Variants in CCNH observed in about 807,000 individuals in gnomAD.
CCNH encodes the protein cyclin H, also known as cyclin-H.
In CCNH, 31 loss-of-function variants were observed where a neutral mutation model predicts 41.9. The ratio of observed to expected loss-of-function variants is 0.74; its 90% confidence interval spans 0.56 to 1.00. The LOEUF (loss-of-function observed/expected upper bound fraction) is 1.00. Ranked by LOEUF, CCNH falls within the 50% of genes least tolerant of loss-of-function variation. The probability of loss-of-function intolerance (pLI) is 0.00; values close to 1 mark genes in which losing one functional copy is unlikely to be tolerated. For synonymous variants in CCNH, 138 were observed against 136.1 expected (o/e 1.01, Z -0.10); for missense variants, 362 against 388.4 (o/e 0.93, Z 0.57).
At chr5:87,375,047 T>TCTAA (rs1761228457), downstream of CCNH, 2 of 1,221,980 alleles carry the variant, frequency 1.6e-6, no homozygotes, top group African/African-American at 3.1e-5. Context: ...ATAGTTTCTT[T>TCTAA]CTGTACTTCT....
exon 1 of CCNH, chr5:87,376,312 C>CTGA: frequency 6.6e-7 from 1 of 1,513,064 alleles, no homozygotes; most frequent in Non-Finnish European, 9.1e-7. Context: ...ATAGGGAAGA[C>CTGA]TGAACACCAG....
At chr5:87,334,190 C>G (rs1757796027) in intron 9 of CCNH, among the ~76,000 whole-genome samples, 1 of 152,038 alleles carries the variant, frequency 6.6e-6, no homozygotes, top group African/African-American at 2.4e-5. Flanking sequence ...CCCAAGAAAG[C>G]CAGTGGTATA....
intron 9 of CCNH, among the ~76,000 whole-genome samples, chr5:87,331,706 T>TA (rs1408130452): frequency 1.3e-5 from 2 of 152,216 alleles, no homozygotes; most frequent in Non-Finnish European, 2.9e-5. Context: ...TGTTGGGCAT[T>TA]ACTGTGCTGA....
At chr5:87,383,372 A>G (rs926284970) in intron 9 of CCNH, among the ~76,000 whole-genome samples, 1 of 152,180 alleles carries the variant, frequency 6.6e-6, no homozygotes, top group Non-Finnish European at 1.5e-5. Context: ...TGAGGATACT[A>G]CTTTCTCTAA....
intron 6 of CCNH, among the ~76,000 whole-genome samples, chr5:87,401,314 C>T (rs532978596): frequency 6.6e-5 from 10 of 152,218 alleles, no homozygotes; most frequent in Non-Finnish European, 1.2e-4. Flanking sequence ...TCTCCTTCTA[C>T]CTTTCTCTTA....
At chr5:87,333,244 C>CT (rs564571974) in intron 9 of CCNH, 41,092 of 889,780 alleles carry the variant, frequency 0.046, no homozygotes, top group East Asian at 0.061. Flanking sequence ...CTTTTTAAAT[C>CT]TTTTTTTTTT....
intron 9 of CCNH, among the ~76,000 whole-genome samples, chr5:87,364,654 G>C (rs943154472): frequency 6.6e-6 from 1 of 151,984 alleles, no homozygotes; most frequent in Non-Finnish European, 1.5e-5. Context: ...GTTGATTCAG[G>C]CCTCTGTCTT....
chr5:87,375,815 G>A (rs1361289226), downstream of CCNH, among the ~76,000 whole-genome samples: 2 of 152,136 alleles, frequency 1.3e-5, no homozygotes, highest in Admixed American at 1.3e-4. Context: ...ACAGATCAAA[G>A]CCTGAATATT....
chr5:87,378,043 T>G (rs2112494666), upstream of CCNH, among the ~76,000 whole-genome samples: 1 of 152,326 alleles, frequency 6.6e-6, no homozygotes, highest in South Asian at 2.1e-4. Context: ...CCCTAAAATT[T>G]CAAAGCATGG....
intron 9 of CCNH, among the ~76,000 whole-genome samples, chr5:87,367,062 A>AT (rs1016493444): frequency 1.3e-5 from 2 of 151,616 alleles, no homozygotes; most frequent in Admixed American, 6.6e-5. Context: ...AACAACAAAA[A>AT]TTTTTTTTTC....
intron 9 of CCNH, among the ~76,000 whole-genome samples, chr5:87,344,882 T>G (rs553096377): frequency 1.3e-5 from 2 of 152,198 alleles, no homozygotes; most frequent in East Asian, 3.9e-4. Context: ...CATACTTAGC[T>G]CATTCATCAC....
chr5:87,407,874 G>A, intron 4 of CCNH, 102 bp downstream of exon 4: 1 of 844,898 alleles, frequency 1.2e-6, no homozygotes, highest in Non-Finnish European at 1.9e-6. Context: ...TTGTATCCAT[G>A]CTATAACAAC....
downstream of CCNH, chr5:87,391,313 T>A: frequency 3.1e-6 from 1 of 321,198 alleles, no homozygotes; most frequent in Non-Finnish European, 5.9e-6. Flanking sequence ...GATTGCAGAC[T>A]GTTCTTACTG....
chr5:87,388,610 T>C (rs1447532481), downstream of CCNH, among the ~76,000 whole-genome samples: 3 of 152,236 alleles, frequency 2.0e-5, no homozygotes, highest in Non-Finnish European at 4.4e-5. Context: ...ACTTTCATTA[T>C]AGTGACTAAG....
chr5:87,366,711 A>C (rs1300930074), intron 9 of CCNH, among the ~76,000 whole-genome samples: 2 of 152,188 alleles, frequency 1.3e-5, no homozygotes, highest in Non-Finnish European at 2.9e-5. Context: ...TGAGAACTAA[A>C]CTCAAGTCTC....
intron 9 of CCNH, chr5:87,369,692 ATTAT>A: frequency 2.8e-6 from 2 of 719,196 alleles, no homozygotes; most frequent in South Asian, 1.8e-5. Flanking sequence ...ACAATGGAGT[ATTAT>A]TTCTTTAAGA....
In CCNH at chr5:87,394,463, GGTC is replaced by G; in HGVS notation, c.952_954del (p.Asp318del). ...TCAAATGGTTAGAGAGATTCTACCA[GGTC>G]GTCATCAGTCCATTCTTCCTAAGAA... On this transcript the variant is annotated inframe_deletion, in exon 9 of 9. Transcript: ENST00000256897. 6.2e-7 allele frequency: 1 copy of G among 1,613,246 alleles called. No homozygotes were observed. The highest frequency in any genetic ancestry group is 8.5e-7 in the Non-Finnish European group (1 of 1,179,362).
At chr5:87,314,689 G>A (rs1040892253), downstream of CCNH, among the ~76,000 whole-genome samples, 3 of 152,058 alleles carry the variant, frequency 2.0e-5, no homozygotes, top group Non-Finnish European at 1.5e-5. Flanking sequence ...AGAAACAGGA[G>A]AGAGAGGAGA....
At chr5:87,387,390 C>T (rs183091228), downstream of CCNH, among the ~76,000 whole-genome samples, 5 of 152,098 alleles carry the variant, frequency 3.3e-5, no homozygotes, top group East Asian at 9.7e-4. Flanking sequence ...TCATTTGGGC[C>T]TTGTTAATAA....
Sources: gnomAD v4.1 joint callset for allele counts (sites outside exome capture counted in the v4.1 genomes callset) on GRCh38, gnomAD v4.1.1 for gene constraint, MANE v1.5 for transcripts, NCBI Gene and HGNC (gene_info 2026-07-23, HGNC 2026-07-21) for gene names.